COX16: variants seen among roughly 807,000 people sequenced by gnomAD.
COX16 encodes the protein cytochrome c oxidase assembly protein COX16 homolog, mitochondrial.
COX16 carries 12 observed loss-of-function variants against 15.4 expected under a neutral mutation model. The ratio of observed to expected loss-of-function variants is 0.78; its 90% CI spans 0.50 to 1.26. The LOEUF (loss-of-function observed/expected upper bound fraction) is 1.26. Among genes scored for constraint, COX16 ranks in the 50% most tolerant of loss-of-function variants. The pLI is 0.00. For missense variants in COX16, 124 were observed against 127.6 expected (o/e 0.97, Z 0.14); for synonymous variants, 46 against 41.1 (o/e 1.12, Z -0.46).
chr14:70,353,023 G>A (rs1305758432), intron 1 of COX16, among the ~76,000 whole-genome samples: 1 of 152,018 alleles, frequency 6.6e-6, no homozygotes, highest in Non-Finnish European at 1.5e-5. Flanking sequence ...AGCACTTTGG[G>A]AGGCCAAGGC....
chr14:70,329,260 T>G, intron 2 of COX16, 24 bp from the exon 3 acceptor site: 3 of 1,586,326 alleles, frequency 1.9e-6, no homozygotes, highest in Non-Finnish European at 2.6e-6. Flanking sequence ...AAAAAAGTAA[T>G]AAGTTATCTA....
intron 2 of COX16, among the ~76,000 whole-genome samples, chr14:70,331,718 A>G (rs1886297359): frequency 7.4e-6 from 1 of 136,032 alleles, no homozygotes; most frequent in South Asian, 2.5e-4. Context: ...AACAGTTTGG[A>G]ATTATCAAAT....
chr14:70,352,557 A>G (rs1219587947), intron 1 of COX16, among the ~76,000 whole-genome samples: 1 of 145,168 alleles, frequency 6.9e-6, no homozygotes, highest in Non-Finnish European at 1.5e-5. Context: ...ATAATTATAT[A>G]TATGTAAACA....
At chr14:70,335,137 TCAG>T (rs1886411091) in intron 2 of COX16, among the ~76,000 whole-genome samples, 2 of 152,252 alleles carry the variant, frequency 1.3e-5, no homozygotes, top group African/African-American at 2.4e-5. Context: ...AAGAGTCAAT[TCAG>T]CAAGAGAATA....
At position 70,342,287 on chromosome 14, in the gene COX16, A is replaced by G. The variant is rs7144006; in HGVS notation, c.141+371T>C. Among the ~76,000 whole-genome samples the G allele has an allele frequency of 8.9e-3, 1,358 of 152,258 alleles. 16 individuals carry two copies. The highest frequency in any genetic ancestry group is 0.031 in the African/African-American group (1,271 of 41,556). On this transcript the variant is annotated intron_variant, in intron 2 of 3. Transcript: ENST00000389912. Reference sequence around the variant, plus strand: ...TAGTGAAACCCCATCTCTACTAAAAATACAAAAATTAGCCGGGTGGTAGTG... The same window carrying G: ...TAGTGAAACCCCATCTCTACTAAAAGTACAAAAATTAGCCGGGTGGTAGTG...
At chr14:70,328,087 T>TTTTTTTTTTTG (rs1886147731) in intron 3 of COX16, 1 of 133,126 alleles carries the variant, frequency 7.5e-6, no homozygotes, top group Non-Finnish European at 1.6e-5. Context: ...TTTTTTTTTT[T>TTTTTTTTTTTG]TTTTTTTTTT....
intron 2 of COX16, among the ~76,000 whole-genome samples, chr14:70,335,856 AAAG>A (rs1886436471): frequency 6.6e-6 from 1 of 152,216 alleles, no homozygotes; most frequent in African/African-American, 2.4e-5. Flanking sequence ...AGTCAGCACA[AAAG>A]AATATATATA....
intron 3 of COX16, 91 bp downstream of exon 3, chr14:70,329,083 C>G: frequency 8.4e-7 from 1 of 1,196,258 alleles, no homozygotes; most frequent in Non-Finnish European, 1.1e-6. Context: ...ATATATTCAA[C>G]GTAATTTTTT....
intron 2 of COX16, among the ~76,000 whole-genome samples, chr14:70,335,603 T>TA (rs58611844): frequency 0.38 from 52,103 of 136,704 alleles, 10,061 homozygotes; most frequent in African/African-American, 0.49. Context: ...ACCAAAGAGT[T>TA]AAAAAAAAAA....
At chr14:70,326,508 T>C in intron 3 of COX16, 59 bp from the exon 4 acceptor site, 1 of 1,364,566 alleles carries the variant, frequency 7.3e-7, no homozygotes, top group Non-Finnish European at 9.7e-7. Flanking sequence ...TGGCTTTGAT[T>C]AGGACACAAC....
intron 2 of COX16, among the ~76,000 whole-genome samples, chr14:70,330,505 T>C (rs1327320377): frequency 1.3e-5 from 2 of 152,118 alleles, no homozygotes; most frequent in East Asian, 1.9e-4. Context: ...AACCCTGATA[T>C]CAAATTTCAC....
Position 70,326,319 on chromosome 14 carries a change from AAG to A in COX16, c.*12_*13del. On this transcript the variant is annotated 3_prime_UTR_variant, in exon 4 of 4. Transcript: ENST00000389912. ...TATTTAAAAAAAAAAAAAAGGAAAA[AAG>A]AATCAGCAGAGTCAAGTTGTCTTAG... 1 of 1,455,442 alleles carries A rather than the reference AAG, an allele frequency of 6.9e-7. No homozygotes were observed. Among genetic ancestry groups the A allele is most frequent in the Middle Eastern group, 1.8e-4 (1 of 5,526 alleles). 90.2% of individuals were successfully genotyped at this position (1,455,442 alleles called of 1,614,324 possible).
intron 1 of COX16, among the ~76,000 whole-genome samples, chr14:70,343,394 G>GT (rs961817412): frequency 2.0e-5 from 3 of 152,138 alleles, no homozygotes; most frequent in African/African-American, 7.2e-5. Context: ...TAACATTATT[G>GT]TTTTTTTGTT....
At chr14:70,351,281 C>G (rs1187565585) in intron 1 of COX16, among the ~76,000 whole-genome samples, 1 of 152,150 alleles carries the variant, frequency 6.6e-6, no homozygotes, top group Non-Finnish European at 1.5e-5. Context: ...TTAATACAAA[C>G]GGAGACATAA....
intron 3 of COX16, chr14:70,328,329 A>G (rs1026328517): frequency 2.0e-5 from 3 of 152,102 alleles, no homozygotes; most frequent in Non-Finnish European, 2.9e-5. Flanking sequence ...TAACAATTAA[A>G]TTGTCAAAAT....
rs529752393 is a variant in COX16 at position 70,355,777 on chromosome 14, G to A, written c.69+3742C>T. ...TATTTGACCCTCCAAACCTCCTGTT[G>A]AAATCTGACCCCCAATGTTGGAGGG... On this transcript the variant is annotated intron_variant, in intron 1 of 3. Coordinates refer to ENST00000389912, the MANE Select transcript of COX16 (RefSeq NM_016468.7). 1.1e-3 allele frequency among the ~76,000 whole-genome samples: 173 copies of A among 152,296 alleles called. 1 individual carries two copies. Among genetic ancestry groups the A allele is most frequent in the Non-Finnish European group, 8.8e-5 (6 of 68,026 alleles).
In COX16 at chr14:70,326,432, C is replaced by CTTGGAGTCTTTGATTT. The variant is rs1227820370; in HGVS notation, c.206_221dup (p.Phe75AsnfsTer7). Reference sequence around the variant, plus strand: ...CTCGAATATTCTTCCAGTCATCAAACTTGGAGTCTTTGATTTTCTATAGAA... The same window carrying CTTGGAGTCTTTGATTT: ...CTCGAATATTCTTCCAGTCATCAAACTTGGAGTCTTTGATTTTTGGAGTCTTTGATTTTCTATAGAA... On this transcript the variant is annotated frameshift_variant, in exon 4 of 4. Coordinates refer to ENST00000389912, the MANE Select transcript of COX16 (RefSeq NM_016468.7). LOFTEE classifies it high-confidence loss of function. 6.3e-7 allele frequency: 1 copy of CTTGGAGTCTTTGATTT among 1,586,136 alleles called. No individual in the cohort carries two copies.
At chr14:70,335,762 G>A (rs1886433862) in intron 2 of COX16, among the ~76,000 whole-genome samples, 1 of 152,040 alleles carries the variant, frequency 6.6e-6, no homozygotes, top group African/African-American at 2.4e-5. Context: ...TTTACTATCT[G>A]GCTCTTTACA....
chr14:70,351,590 T>G lies in COX16; in HGVS notation c.69+7929A>C, dbSNP rs1374602034. On this transcript the variant is annotated intron_variant, in intron 1 of 3. Coordinates refer to ENST00000389912, the MANE Select transcript of COX16 (RefSeq NM_016468.7). ...AAATTCTATAATTAAGCCTTTTCTG[T>G]TTTTGAATTTTATTAAAACTATTCT... Among the ~76,000 whole-genome samples, 3 of 152,202 alleles carry G rather than the reference T, an allele frequency of 2.0e-5. No individual in the cohort carries two copies. In the East Asian group the frequency reaches 5.8e-4, roughly 29 times the overall value.
Sources: gnomAD v4.1 joint callset for allele counts (sites outside exome capture counted in the v4.1 genomes callset) on GRCh38, gnomAD v4.1.1 for gene constraint, MANE v1.5 for transcripts, NCBI Gene and HGNC (gene_info 2026-07-23, HGNC 2026-07-21) for gene names.